MRTFB: variants seen among roughly 807,000 people sequenced by gnomAD.
MRTFB encodes the protein myocardin related transcription factor B, also known as myocardin-related transcription factor B.
Under a neutral mutation model 104.2 loss-of-function variants are expected in MRTFB, and 29 were observed. That is an observed-to-expected ratio of 0.28 (90% CI 0.21 to 0.38). MRTFB has a LOEUF of 0.38. MRTFB is among the 10% of genes least tolerant of loss of function. The probability of loss-of-function intolerance (pLI) is 1.00; values close to 1 mark genes in which losing one functional copy is unlikely to be tolerated. For missense variants in MRTFB, 1,270 were observed against 1,341.6 expected (o/e 0.95, Z 0.83); for synonymous variants, 535 against 519.5 (o/e 1.03, Z -0.41).
chr16:14,111,939 G>C (rs568881700), intron 2 of MRTFB, among the ~76,000 whole-genome samples: 4 of 152,272 alleles, frequency 2.6e-5, no homozygotes, highest in African/African-American at 9.6e-5. Context: ...ACGGTGGCTG[G>C]GCGCTCTGAG....
In MRTFB at chr16:14,247,778, C is replaced by A. The variant is rs78790888; in HGVS notation, c.2247+271C>A. The A allele has an allele frequency of 4.7e-3, 2,035 of 428,694 alleles. 42 individuals are homozygous for A. Among genetic ancestry groups the A allele is most frequent in the African/African-American group, 0.037 (1,867 of 50,972 alleles). The allele number at this position is 428,694 out of a possible 1,614,324, so 26.6% of individuals were successfully genotyped here. A position where few individuals can be genotyped will look rare whatever the true frequency, so the allele number is the denominator to read the frequency against. On this transcript the variant is annotated intron_variant, in intron 12 of 16. Coordinates refer to ENST00000571589, the MANE Select transcript of MRTFB (RefSeq NM_001308142.2). Reference sequence around the variant, plus strand: ...TCCATGCAGACATTTTTTTACACACCAGTGACGTGATCATTGTGATCATAG... The same window carrying A: ...TCCATGCAGACATTTTTTTACACACAAGTGACGTGATCATTGTGATCATAG...
the MRTFB span, among the ~76,000 whole-genome samples, chr16:14,034,987 G>A: frequency 6.6e-6 from 1 of 152,122 alleles, no homozygotes; most frequent in Non-Finnish European, 1.5e-5. Flanking sequence ...TTGGTCCCGG[G>A]GAGGGTATGT....
rs116766836 is a variant in MRTFB, at chr16:14,156,197, T to G, written c.154+15437T>G. ...GTATTTTGCCCAGTTTTCTAGTTTC[T>G]TATGGCAGGAAGTTAAGTCCAATGA... On this transcript the variant is annotated intron_variant, in intron 3 of 16. Transcript: ENST00000571589. 5.3e-3 allele frequency among the ~76,000 whole-genome samples: 808 copies of G among 152,346 alleles called. 7 individuals carry two copies. The highest frequency in any genetic ancestry group is 0.019 in the African/African-American group (774 of 41,576).
intron 9 of MRTFB, among the ~76,000 whole-genome samples, chr16:14,238,698 G>A (rs1415361036): frequency 6.6e-6 from 1 of 152,184 alleles, no homozygotes; most frequent in Non-Finnish European, 1.5e-5. Context: ...GTTGAAGAAA[G>A]TAAAGAGCAT....
At chr16:14,212,001 C>T (rs1344218217) in intron 4 of MRTFB, among the ~76,000 whole-genome samples, 2 of 152,148 alleles carry the variant, frequency 1.3e-5, no homozygotes, top group Non-Finnish European at 2.9e-5. Flanking sequence ...GACATACGGA[C>T]TTTTTCTATA....
the MRTFB span, among the ~76,000 whole-genome samples, chr16:14,015,167 A>G: frequency 6.6e-6 from 1 of 152,216 alleles, no homozygotes; most frequent in East Asian, 1.9e-4. Flanking sequence ...CTTTAAAGGG[A>G]AACAGCCACA....
intron 3 of MRTFB, chr16:14,195,577 A>C (rs1417406365): frequency 1.0e-6 from 1 of 985,278 alleles, no homozygotes; most frequent in Non-Finnish European, 1.2e-6. Flanking sequence ...GCATGTGCTT[A>C]CTATTCTGGG....
At chr16:14,046,368 C>T in the MRTFB span, among the ~76,000 whole-genome samples, 1 of 152,222 alleles carries the variant, frequency 6.6e-6, no homozygotes, top group African/African-American at 2.4e-5. Flanking sequence ...GAATGAACCT[C>T]TTTGATCCCA....
the MRTFB span, among the ~76,000 whole-genome samples, chr16:14,056,988 C>T: frequency 0.016 from 2,417 of 152,254 alleles, 30 homozygotes; most frequent in Middle Eastern, 0.058. Flanking sequence ...TCTCACCCTT[C>T]CTCTCATCTT....
intron 2 of MRTFB, among the ~76,000 whole-genome samples, chr16:14,139,333 C>T (rs976737279): frequency 3.9e-5 from 6 of 152,148 alleles, no homozygotes; most frequent in African/African-American, 1.4e-4. Context: ...ATTAGTCACT[C>T]AGGAAATGCA....
the MRTFB span, among the ~76,000 whole-genome samples, chr16:14,042,910 G>A: frequency 3.9e-5 from 6 of 152,120 alleles, no homozygotes; most frequent in Admixed American, 6.5e-5. Context: ...CTTTCCACTG[G>A]CTTTGTTTAT....
intron 3 of MRTFB, chr16:14,141,988 A>T (rs1003504530): frequency 1.3e-5 from 2 of 151,498 alleles, no homozygotes; most frequent in African/African-American, 4.9e-5. Context: ...ACAGGCACGC[A>T]CCACTATGCC....
At chr16:14,018,430 T>G in the MRTFB span, among the ~76,000 whole-genome samples, 2 of 152,212 alleles carry the variant, frequency 1.3e-5, no homozygotes, top group African/African-American at 4.8e-5. Context: ...GATTTTAGTT[T>G]TATTGTTTAT....
chr16:14,171,778 C>A (rs1201230635), intron 3 of MRTFB, among the ~76,000 whole-genome samples: 1 of 152,172 alleles, frequency 6.6e-6, no homozygotes, highest in African/African-American at 2.4e-5. Context: ...AAATGTGTTA[C>A]ATTTAAACAT....
At chr16:14,064,439 GTT>G in the MRTFB span, among the ~76,000 whole-genome samples, 1 of 152,130 alleles carries the variant, frequency 6.6e-6, no homozygotes, top group South Asian at 2.1e-4. Context: ...TCTGTTGATA[GTT>G]TCTTATGCTG....
the MRTFB span, among the ~76,000 whole-genome samples, chr16:14,036,131 TTATATATTATATATATAA>T: frequency 7.5e-4 from 3 of 3,980 alleles, no homozygotes; most frequent in African/African-American, 7.3e-4. Flanking sequence ...AAAATATATA[TTATATATTATATATATAA>T]TATATATTAT....
At chr16:14,187,632 A>T (rs961585088) in intron 3 of MRTFB, among the ~76,000 whole-genome samples, 1 of 152,224 alleles carries the variant, frequency 6.6e-6, no homozygotes, top group Non-Finnish European at 1.5e-5. Flanking sequence ...GTCGATTATT[A>T]TTGTTAGTAA....
chr16:14,132,013 G>A (rs765157789), intron 2 of MRTFB, among the ~76,000 whole-genome samples: 1 of 152,188 alleles, frequency 6.6e-6, no homozygotes, highest in Non-Finnish European at 1.5e-5. Context: ...TAGCCAGAAG[G>A]TGGAAACAAT....
chr16:14,194,281 G>A (rs1315743628), intron 3 of MRTFB, among the ~76,000 whole-genome samples: 2 of 152,214 alleles, frequency 1.3e-5, no homozygotes, highest in Non-Finnish European at 2.9e-5. Context: ...AGGAAGCCTG[G>A]TGAGGCCAGT....
Sources: gnomAD v4.1 joint callset for allele counts (sites outside exome capture counted in the v4.1 genomes callset) on GRCh38, gnomAD v4.1.1 for gene constraint, MANE v1.5 for transcripts, NCBI Gene and HGNC (gene_info 2026-07-23, HGNC 2026-07-21) for gene names.